Variants in LARGE1 observed in about 807,000 individuals in gnomAD.
The protein encoded by LARGE1 is xylosyl- and glucuronyltransferase LARGE1.
LARGE1 carries 43 observed loss-of-function variants against 87.6 expected under a neutral mutation model. The ratio of observed to expected loss-of-function variants is 0.49; its 90% CI spans 0.38 to 0.63. The LOEUF is 0.63. Ranked by LOEUF, LARGE1 falls within the 30% of genes least tolerant of loss-of-function variation. The pLI is 0.00. For synonymous variants in LARGE1, 434 were observed against 394.6 expected, an observed-to-expected ratio of 1.10 and a Z score of -1.18; for missense variants, 802 against 1,000.2, an observed-to-expected ratio of 0.80 and a Z score of 2.67.
At chr22:33,288,472 T>C (rs1237695206) in intron 12 of LARGE1, among the ~76,000 whole-genome samples, 6 of 152,180 alleles carry the variant, frequency 3.9e-5, no homozygotes, top group Admixed American at 6.5e-5. Flanking sequence ...CATATCACTA[T>C]CTAGCTCTGC....
At chr22:33,892,439 C>T (rs535499734) in intron 1 of LARGE1, among the ~76,000 whole-genome samples, 1 of 152,282 alleles carries the variant, frequency 6.6e-6, no homozygotes, top group African/African-American at 2.4e-5. Flanking sequence ...CATACCATCC[C>T]CTCCACCTCA....
the LARGE1 span, among the ~76,000 whole-genome samples, chr22:33,101,234 A>T: frequency 6.6e-6 from 1 of 152,174 alleles, no homozygotes; most frequent in Admixed American, 6.5e-5. Context: ...GTTCCTTACT[A>T]GATGATCATA....
intron 7 of LARGE1, among the ~76,000 whole-genome samples, chr22:33,414,224 C>T (rs1269895456): frequency 6.6e-6 from 1 of 152,128 alleles, no homozygotes; most frequent in Non-Finnish European, 1.5e-5. Flanking sequence ...GTACATAATA[C>T]TGCATGATTC....
intron 4 of LARGE1, among the ~76,000 whole-genome samples, chr22:33,606,042 G>C (rs1401033691): frequency 6.6e-6 from 1 of 152,170 alleles, no homozygotes; most frequent in Non-Finnish European, 1.5e-5. Context: ...TGGGGGCCGG[G>C]GGCGGAGGGG....
intron 7 of LARGE1, among the ~76,000 whole-genome samples, chr22:33,411,495 C>A (rs1363559764): frequency 6.6e-6 from 1 of 152,206 alleles, no homozygotes; most frequent in Non-Finnish European, 1.5e-5. Flanking sequence ...CATACATAAA[C>A]ATGCACACAT....
intron 1 of LARGE1, among the ~76,000 whole-genome samples, chr22:33,768,034 GCGT>G (rs2084958062): frequency 6.6e-6 from 1 of 152,250 alleles, no homozygotes; most frequent in Non-Finnish European, 1.5e-5. Flanking sequence ...TATAGGCCGG[GCGT>G]GGTGGCTGAC....
intron 2 of LARGE1, among the ~76,000 whole-genome samples, chr22:33,728,193 C>G (rs1569409790): frequency 6.6e-6 from 1 of 152,138 alleles, no homozygotes; most frequent in Non-Finnish European, 1.5e-5. Context: ...CACCTATACA[C>G]ATATGCAGGC....
At chr22:33,180,842 A>G (rs768802679) in intron 11 of LARGE1, among the ~76,000 whole-genome samples, 6 of 152,248 alleles carry the variant, frequency 3.9e-5, no homozygotes, top group Non-Finnish European at 7.3e-5. Flanking sequence ...ATATTGTATG[A>G]TTTCATTCAT....
Position 33,772,341 on chromosome 22 carries a change from A to C in LARGE1, c.-82-10783T>G, listed in dbSNP as rs889147110. Among the ~76,000 whole-genome samples the C allele has an allele frequency of 2.0e-5, 3 of 151,726 alleles. No homozygotes were observed. The East Asian group carries it at 5.8e-4, about 29-fold the overall frequency. On this transcript the variant is annotated intron_variant, in intron 1 of 14. Coordinates refer to ENST00000397394, the MANE Select transcript of LARGE1 (RefSeq NM_133642.5). ...GAGCGAGACTCTGCCTCAAAAAAAA[A>C]AGGAGATTACTCAGTGTCTCTCATC...
intron 6 of LARGE1, among the ~76,000 whole-genome samples, chr22:33,498,298 A>C (rs2070249441): frequency 6.6e-6 from 1 of 152,188 alleles, no homozygotes; most frequent in African/African-American, 2.4e-5. Flanking sequence ...GCAAATTGCA[A>C]GATTTCCTTT....
chr22:33,387,426 C>CAAAAAAAAAAA (rs758366490), intron 7 of LARGE1, among the ~76,000 whole-genome samples: 6 of 67,468 alleles, frequency 8.9e-5, no homozygotes, highest in African/African-American at 1.6e-4. Flanking sequence ...GACTCTGTCT[C>CAAAAAAAAAAA]AAAAAAAAAA....
chr22:33,588,837 G>C (rs1005959069), intron 5 of LARGE1, among the ~76,000 whole-genome samples: 3 of 152,194 alleles, frequency 2.0e-5, no homozygotes, highest in African/African-American at 7.2e-5. Flanking sequence ...GGGAGGAACA[G>C]AAAACACACT....
At chr22:33,177,055 G>T (rs112836016) in intron 11 of LARGE1, among the ~76,000 whole-genome samples, 25,392 of 152,052 alleles carry the variant, frequency 0.17, 2,270 homozygotes, top group South Asian at 0.32. Flanking sequence ...ACTAACACAA[G>T]GAAAGAAAAC....
chr22:33,079,288 C>T, the LARGE1 span, among the ~76,000 whole-genome samples: 6 of 134,112 alleles, frequency 4.5e-5, no homozygotes, highest in East Asian at 4.5e-4. Flanking sequence ...AGGACAGTGG[C>T]GTGATCTCGG....
chr22:33,765,185 T>C lies in LARGE1; in HGVS notation c.-82-3627A>G, dbSNP rs528549259. ...GAAAATTAAGGCCTAGAGAGATTAA[T>C]TAACTGGCCAAGGATTATACACTAC... is the stretch of plus-strand genomic sequence containing the variant. On this transcript the variant is annotated intron_variant, in intron 1 of 14. Transcript: ENST00000397394. Among the ~76,000 whole-genome samples the C allele has an allele frequency of 6.6e-5, 10 of 152,050 alleles. 1 individual carries two copies. In the East Asian group the frequency reaches 1.9e-3, roughly 29 times the overall value.
chr22:33,277,200 C>T lies in LARGE1; in HGVS notation c.1933G>A (p.Ala645Thr), dbSNP rs759095312. ...CACTCAACCCGGTAAGGCGTGGTGG[C>T]GGTCCGCCACTTGGCGAAGTTTGTG... ...APTNFAKWRT[A>T]TTPYRVEWEA... The change falls in exon 14 of 15, where the codon GCC (alanine) becomes ACC (threonine). Residue 645 changes from alanine (A) to threonine (T), a missense_variant. Ala to Thr is a moderately conservative substitution (Grantham distance 58). This residue lies in a region of LARGE1 where 625 missense variants were observed against 841.9 expected (regional missense o/e 0.74). Coordinates refer to ENST00000397394, the MANE Select transcript of LARGE1 (RefSeq NM_133642.5). 1.4e-5 allele frequency: 22 copies of T among 1,614,132 alleles called. No homozygotes were observed. The East Asian group carries it at 1.8e-4, about 13-fold the overall frequency.
At chr22:33,108,643 A>G in the LARGE1 span, 1 of 152,060 alleles carries the variant, frequency 6.6e-6, no homozygotes, top group Non-Finnish European at 1.5e-5. Context: ...CATCAACTCT[A>G]TGGCGAAGAT....
intron 9 of LARGE1, among the ~76,000 whole-genome samples, chr22:33,352,535 C>A (rs987559356): frequency 1.2e-4 from 19 of 152,066 alleles, no homozygotes; most frequent in Non-Finnish European, 2.4e-4. Flanking sequence ...GGGCAGATCA[C>A]CTGAGGTCAG....
Position 33,822,833 on chromosome 22 carries a change from G to A in LARGE1, c.-82-61275C>T, listed in dbSNP as rs147762834. ...ACACGTAGGAATGATCTTCCTCAGC[G>A]CCTGGAAGTGAGCAGTGGCCATGTA... On this transcript the variant is annotated intron_variant, in intron 1 of 14. Transcript: ENST00000397394. Among the ~76,000 whole-genome samples, 894 of 152,242 alleles carry A rather than the reference G, an allele frequency of 5.9e-3. 10 individuals are homozygous for A. The highest frequency in any genetic ancestry group is 0.02 in the African/African-American group (843 of 41,524).
Sources: gnomAD v4.1 joint callset for allele counts (sites outside exome capture counted in the v4.1 genomes callset) on GRCh38, gnomAD v4.1.1 for gene constraint, gnomAD v4.1.1 regional missense constraint, MANE v1.5 for transcripts, NCBI Gene and HGNC (gene_info 2026-07-23, HGNC 2026-07-21) for gene names.